The following CDH12 variants were observed in gnomAD, a reference collection of about 807,000 sequenced individuals.
The protein encoded by CDH12 is cadherin-12.
A neutral mutation model predicts 74.1 loss-of-function variants in CDH12; 41 were observed. The observed-to-expected ratio is 0.55, with a 90% CI of 0.43 to 0.72. The LOEUF (loss-of-function observed/expected upper bound fraction) is 0.72, where lower values mean the gene tolerates loss of function less well. Ranked by LOEUF, CDH12 falls within the 30% of genes least tolerant of loss-of-function variation. The pLI is 0.00. For missense variants in CDH12, 945 were observed against 977.2 expected, an observed-to-expected ratio of 0.97 and a Z score of 0.44; for synonymous variants, 399 against 355.0, an observed-to-expected ratio of 1.12 and a Z score of -1.39.
chr5:22,339,833 C>A (rs1370665033), intron 3 of CDH12, among the ~76,000 whole-genome samples: 1 of 152,072 alleles, frequency 6.6e-6, no homozygotes, highest in East Asian at 1.9e-4. Flanking sequence ...AAATAAAGAG[C>A]AGAAAAGTGA....
At chr5:22,622,342 C>T (rs372035906) in intron 1 of CDH12, among the ~76,000 whole-genome samples, 1 of 151,854 alleles carries the variant, frequency 6.6e-6, no homozygotes, top group Non-Finnish European at 1.5e-5. Flanking sequence ...AGAGAGAAGG[C>T]ACTGAGAGTG....
chr5:21,990,240 G>T (rs1184054954), intron 5 of CDH12, among the ~76,000 whole-genome samples: 2 of 152,268 alleles, frequency 1.3e-5, no homozygotes, highest in Middle Eastern at 3.4e-3. Flanking sequence ...ATAAAGGAAT[G>T]AATGCATGCA....
chr5:22,785,805 A>G (rs965216872), intron 1 of CDH12, among the ~76,000 whole-genome samples: 1 of 152,140 alleles, frequency 6.6e-6, no homozygotes, highest in African/African-American at 2.4e-5. Flanking sequence ...GTTGTATGCC[A>G]CCATGCCCAG....
At chr5:22,218,160 G>T (rs1751886470) in intron 3 of CDH12, among the ~76,000 whole-genome samples, 1 of 151,726 alleles carries the variant, frequency 6.6e-6, no homozygotes, top group African/African-American at 2.4e-5. Context: ...ATAAAAGGAT[G>T]CAATCACTCT....
chr5:22,418,433 T>G (rs1321842448), intron 2 of CDH12, among the ~76,000 whole-genome samples: 1 of 152,144 alleles, frequency 6.6e-6, no homozygotes. Flanking sequence ...TTGAATACCT[T>G]TATTTCTTTC....
At position 22,119,969 on chromosome 5, in the gene CDH12, A is replaced by G. The variant is rs116464729; in HGVS notation, c.-186-41107T>C. Among the ~76,000 whole-genome samples the G allele has an allele frequency of 5.3e-3, 802 of 152,304 alleles. 7 individuals carry two copies. The highest frequency in any genetic ancestry group is 0.018 in the African/African-American group (756 of 41,588). On this transcript the variant is annotated intron_variant, in intron 4 of 14. Coordinates refer to ENST00000382254, the MANE Select transcript of CDH12 (RefSeq NM_004061.5). ...TGTGAACAAGAAAACTTCATTCCAC[A>G]AAGAAAAAGGGTTGTTTTCTGAAAG... is the stretch of plus-strand genomic sequence containing the variant.
At chr5:22,346,214 A>C (rs758653325) in intron 3 of CDH12, among the ~76,000 whole-genome samples, 7 of 152,138 alleles carry the variant, frequency 4.6e-5, no homozygotes, top group Non-Finnish European at 1.0e-4. Flanking sequence ...CTTATAAATA[A>C]AAAGGTGTCA....
chr5:22,530,734 C>A (rs1341318407), intron 1 of CDH12, among the ~76,000 whole-genome samples: 1 of 151,980 alleles, frequency 6.6e-6, no homozygotes, highest in Non-Finnish European at 1.5e-5. Flanking sequence ...TGTAGTTGTA[C>A]AAGTAAATAA....
intron 1 of CDH12, among the ~76,000 whole-genome samples, chr5:22,723,369 T>C (rs1743998916): frequency 6.6e-6 from 1 of 152,126 alleles, no homozygotes; most frequent in African/African-American, 2.4e-5. Context: ...ACTATAGAAG[T>C]CTTTATGCAT....
chr5:22,030,361 T>G, intron 5 of CDH12, among the ~76,000 whole-genome samples: 1 of 152,186 alleles, frequency 6.6e-6, no homozygotes, highest in East Asian at 1.9e-4. Context: ...ATGAATGTTG[T>G]ATTAGCAGGC....
intron 4 of CDH12, among the ~76,000 whole-genome samples, chr5:22,098,712 T>G (rs570849841): frequency 6.6e-6 from 1 of 152,162 alleles, no homozygotes; most frequent in African/African-American, 2.4e-5. Context: ...ACATTATTCC[T>G]GATACCACAC....
chr5:22,041,338 A>G (rs1739563211), intron 5 of CDH12, among the ~76,000 whole-genome samples: 1 of 152,154 alleles, frequency 6.6e-6, no homozygotes, highest in African/African-American at 2.4e-5. Context: ...ATTACTTTCA[A>G]TGTAAATGGA....
chr5:22,122,608 T>G (rs1213750275), intron 4 of CDH12, among the ~76,000 whole-genome samples: 1 of 152,202 alleles, frequency 6.6e-6, no homozygotes, highest in Admixed American at 6.5e-5. Context: ...TTATAAGCCA[T>G]CTATTTCAGT....
chr5:22,538,890 G>A (rs769483935), intron 1 of CDH12, among the ~76,000 whole-genome samples: 51 of 152,210 alleles, frequency 3.4e-4, no homozygotes, highest in Non-Finnish European at 6.0e-4. Flanking sequence ...CAACTAGTTT[G>A]TTTGTTTACT....
intron 1 of CDH12, among the ~76,000 whole-genome samples, chr5:22,623,741 A>C (rs1738112682): frequency 1.3e-5 from 2 of 152,344 alleles, no homozygotes; most frequent in African/African-American, 4.8e-5. Context: ...CATACTGCCC[A>C]AGGTAATTTA....
intron 2 of CDH12, among the ~76,000 whole-genome samples, chr5:22,486,577 G>A (rs1009344847): frequency 9.3e-5 from 14 of 150,502 alleles, no homozygotes; most frequent in Non-Finnish European, 2.1e-4. Context: ...TCAGCCTCCC[G>A]AGTAGCTGGA....
chr5:22,210,670 A>C (rs1363985876), intron 4 of CDH12, among the ~76,000 whole-genome samples: 1 of 152,074 alleles, frequency 6.6e-6, no homozygotes, highest in Non-Finnish European at 1.5e-5. Flanking sequence ...CAGACACTTC[A>C]GTGGTCAATA....
chr5:22,792,083 G>A (rs1003010540), intron 1 of CDH12, among the ~76,000 whole-genome samples: 3 of 147,260 alleles, frequency 2.0e-5, no homozygotes, highest in African/African-American at 7.5e-5. Flanking sequence ...TCATGAACTA[G>A]GGCTTTTTTT....
chr5:22,329,292 A>G (rs986484976), intron 3 of CDH12, among the ~76,000 whole-genome samples: 1 of 152,228 alleles, frequency 6.6e-6, no homozygotes, highest in African/African-American at 2.4e-5. Context: ...AAATTTTAAT[A>G]CCAGCAATAG....
Sources: allele counts gnomAD v4.1 joint callset (sites outside exome capture counted in the v4.1 genomes callset), GRCh38; gene constraint gnomAD v4.1.1; transcripts MANE v1.5; gene names NCBI Gene and HGNC (gene_info 2026-07-23, HGNC 2026-07-21).